ST18: variants seen among roughly 807,000 people sequenced by gnomAD.
ST18 encodes the protein suppression of tumorigenicity 18 protein.
In ST18, 50 loss-of-function variants were observed where a neutral mutation model predicts 110.0. The observed-to-expected ratio is 0.45, with a 90% CI of 0.36 to 0.58. ST18 has a LOEUF of 0.58. ST18 is among the 20% of genes least tolerant of loss of function. The probability of loss-of-function intolerance (pLI) is 0.00; values close to 1 mark genes in which losing one functional copy is unlikely to be tolerated. For missense variants in ST18, 1,306 were observed against 1,280.1 expected (o/e 1.02, Z -0.31); for synonymous variants, 461 against 452.4 (o/e 1.02, Z -0.24).
chr8:52,289,502 T>C (rs1373166437), intron 2 of ST18, among the ~76,000 whole-genome samples: 1 of 152,078 alleles, frequency 6.6e-6, no homozygotes. Context: ...TTCCATTGTA[T>C]CTTAATGATG....
chr8:52,376,367 C>G (rs2140737095), intron 2 of ST18, among the ~76,000 whole-genome samples: 1 of 152,280 alleles, frequency 6.6e-6, no homozygotes, highest in African/African-American at 2.4e-5. Context: ...TGTGCTGGCT[C>G]TTTCCTTTGC....
chr8:52,236,982 C>T (rs2092770916), intron 2 of ST18, among the ~76,000 whole-genome samples: 1 of 152,326 alleles, frequency 6.6e-6, no homozygotes, highest in African/African-American at 2.4e-5. Context: ...CACCAACCTA[C>T]GTTTGAATCC....
intron 2 of ST18, among the ~76,000 whole-genome samples, chr8:52,253,231 T>C (rs1449325798): frequency 2.6e-5 from 4 of 151,982 alleles, no homozygotes; most frequent in Non-Finnish European, 1.5e-5. Flanking sequence ...TGTATCAAAG[T>C]AAGCACCTAT....
At chr8:52,253,934 T>C (rs936427034) in intron 2 of ST18, among the ~76,000 whole-genome samples, 2 of 151,840 alleles carry the variant, frequency 1.3e-5, no homozygotes, top group African/African-American at 4.8e-5. Context: ...ACAGATACAA[T>C]ACGCTTTTTT....
At chr8:52,365,029 G>T (rs1027633713) in intron 2 of ST18, among the ~76,000 whole-genome samples, 2 of 151,838 alleles carry the variant, frequency 1.3e-5, no homozygotes, top group Non-Finnish European at 2.9e-5. Context: ...CAGGATAATC[G>T]CTTGAACCTC....
chr8:52,311,444 G>A (rs919112576), intron 2 of ST18, among the ~76,000 whole-genome samples: 1 of 152,106 alleles, frequency 6.6e-6, no homozygotes, highest in Non-Finnish European at 1.5e-5. Flanking sequence ...CCCCTCTACA[G>A]TTCTATTGTC....
chr8:52,131,533 A>G (rs1461057053), intron 22 of ST18, among the ~76,000 whole-genome samples: 3 of 152,212 alleles, frequency 2.0e-5, no homozygotes, highest in Non-Finnish European at 4.4e-5. Flanking sequence ...TAGCAAAATA[A>G]CTACAATTTT....
intron 8 of ST18, among the ~76,000 whole-genome samples, chr8:52,200,386 G>T (rs1438635909): frequency 6.6e-6 from 1 of 152,228 alleles, no homozygotes; most frequent in Non-Finnish European, 1.5e-5. Flanking sequence ...AAGTGAGCAT[G>T]TGAGACTCGC....
chr8:52,134,222 G>A (rs1284746575), intron 19 of ST18, among the ~76,000 whole-genome samples: 1 of 152,094 alleles, frequency 6.6e-6, no homozygotes, highest in Non-Finnish European at 1.5e-5. Flanking sequence ...CAGTCTTTGG[G>A]GGAAAATCCA....
rs560401170 is a variant in ST18, at chr8:52,193,014, T to C, written c.87-12702A>G. The stretch of plus-strand genomic sequence containing the variant: ...TATATATAGCACCCAAGTGATCCAC[T>C]GGGGTATCTCTTTACTGTTTCTGGC... On this transcript the variant is annotated intron_variant, in intron 8 of 25. Coordinates refer to ENST00000689386, the MANE Select transcript of ST18 (RefSeq NM_001352837.2). Among the ~76,000 whole-genome samples the C allele has an allele frequency of 6.6e-5, 10 of 152,232 alleles. 1 individual carries two copies. The East Asian group carries it at 1.9e-3, about 29-fold the overall frequency.
chr8:52,138,634 T>C, intron 17 of ST18, among the ~76,000 whole-genome samples: 1 of 152,226 alleles, frequency 6.6e-6, no homozygotes, highest in East Asian at 1.9e-4. Context: ...TTAGCAGTTT[T>C]CTTCCACAAT....
intron 2 of ST18, among the ~76,000 whole-genome samples, chr8:52,263,062 G>A (rs2094746646): frequency 6.6e-6 from 1 of 152,164 alleles, no homozygotes; most frequent in Non-Finnish European, 1.5e-5. Flanking sequence ...GGCTTCTACT[G>A]TCTGCTTGGC....
chr8:52,319,934 G>A (rs1023872161), intron 2 of ST18, among the ~76,000 whole-genome samples: 2 of 152,106 alleles, frequency 1.3e-5, no homozygotes, highest in African/African-American at 4.8e-5. Context: ...GGTGGAAGCT[G>A]GACAGCCTTT....
intron 2 of ST18, among the ~76,000 whole-genome samples, chr8:52,399,367 A>AT (rs942615794): frequency 1.4e-5 from 2 of 147,648 alleles, no homozygotes; most frequent in African/African-American, 5.0e-5. Flanking sequence ...GATTCTGTTT[A>AT]TTTTTTTCAA....
intron 11 of ST18, among the ~76,000 whole-genome samples, chr8:52,165,683 C>A (rs2062750603): frequency 6.6e-6 from 1 of 152,174 alleles, no homozygotes; most frequent in African/African-American, 2.4e-5. Context: ...CACCCCACTG[C>A]CATTTGGTTA....
At chr8:52,220,697 T>G (rs1448591500) in intron 5 of ST18, 44 bp downstream of exon 5, 1 of 152,208 alleles carries the variant, frequency 6.6e-6, no homozygotes, top group Admixed American at 6.5e-5. Flanking sequence ...ATTCATTTTC[T>G]TTCAACATGT....
At chr8:52,153,959 T>C (rs2059405793) in intron 15 of ST18, among the ~76,000 whole-genome samples, 1 of 152,248 alleles carries the variant, frequency 6.6e-6, no homozygotes, top group Non-Finnish European at 1.5e-5. Flanking sequence ...TGACAGCTGA[T>C]AATCATAATA....
At chr8:52,333,314 A>C (rs1199175999) in intron 2 of ST18, among the ~76,000 whole-genome samples, 1 of 148,158 alleles carries the variant, frequency 6.7e-6, no homozygotes, top group Non-Finnish European at 1.5e-5. Flanking sequence ...AAAAAAAAAA[A>C]GGTTAAATAG....
chr8:52,277,598 A>C (rs2095298521), intron 2 of ST18, among the ~76,000 whole-genome samples: 1 of 152,238 alleles, frequency 6.6e-6, no homozygotes, highest in Admixed American at 6.5e-5. Context: ...GGATTTAATA[A>C]ATATGCTCTT....
Sources: allele counts gnomAD v4.1 joint callset (sites outside exome capture counted in the v4.1 genomes callset), GRCh38; gene constraint gnomAD v4.1.1; transcripts MANE v1.5; gene names NCBI Gene and HGNC (gene_info 2026-07-23, HGNC 2026-07-21).